Variants in TMEM106B observed in about 807,000 individuals in gnomAD.
The protein encoded by TMEM106B is transmembrane protein 106B.
A neutral mutation model predicts 31.1 loss-of-function variants in TMEM106B; 15 were observed. The observed-to-expected ratio is 0.48, with a 90% CI of 0.32 to 0.74. TMEM106B has a LOEUF of 0.74. Ranked by LOEUF, TMEM106B falls within the 30% of genes least tolerant of loss-of-function variation. The probability of loss-of-function intolerance (pLI) is 0.03; values close to 1 mark genes in which losing one functional copy is unlikely to be tolerated. For synonymous variants in TMEM106B, 126 were observed against 112.5 expected (o/e 1.12, Z -0.76); for missense variants, 283 against 327.3 (o/e 0.86, Z 1.04).
In TMEM106B at chr7:12,224,367, AATTT is replaced by A; in HGVS notation, c.429_432del (p.Tyr143Ter). Reference sequence around the variant, plus strand: ...TCAGTTATGATGTTCAGAAGCGTACAATTTATTTAAATATCACAGTGAGTATAAA... The same window carrying A: ...TCAGTTATGATGTTCAGAAGCGTACAATTTAAATATCACAGTGAGTATAAA... On this transcript the variant is annotated frameshift_variant, in exon 4 of 8. Transcript: ENST00000396668. LOFTEE classifies it high-confidence loss of function. 4 of 1,608,748 alleles carry A rather than the reference AATTT, an allele frequency of 2.5e-6. No individual in the cohort carries two copies. Among genetic ancestry groups the A allele is most frequent in the Non-Finnish European group, 3.4e-6 (4 of 1,175,916 alleles).
At chr7:12,228,617 C>A (rs13230513) in intron 4 of TMEM106B, among the ~76,000 whole-genome samples, 76,503 of 151,574 alleles carry the variant, frequency 0.5, 20,414 homozygotes, top group African/African-American at 0.66. Flanking sequence ...TCTGTGGAAT[C>A]GGTGCTCAGA....
chr7:12,223,755 C>G (rs1366508912), intron 3 of TMEM106B, among the ~76,000 whole-genome samples: 2 of 142,524 alleles, frequency 1.4e-5, no homozygotes, highest in African/African-American at 2.6e-5. Flanking sequence ...GAGTCTCGCT[C>G]TCTCGTCCAG....
At chr7:12,217,698 G>T (rs1781713873) in intron 2 of TMEM106B, among the ~76,000 whole-genome samples, 1 of 152,060 alleles carries the variant, frequency 6.6e-6, no homozygotes, top group African/African-American at 2.4e-5. Context: ...GGTGTGATGG[G>T]GGAGCACAGA....
At position 12,231,879 on chromosome 7, in the gene TMEM106B, AT is replaced by A; in HGVS notation, c.730del (p.Ser244ProfsTer24). 6.2e-7 allele frequency: 1 copy of A among 1,611,084 alleles called. No individual in the cohort carries two copies. On this transcript the variant is annotated frameshift_variant, in exon 8 of 8. Coordinates refer to ENST00000396668, the MANE Select transcript of TMEM106B (RefSeq NM_001134232.2). LOFTEE classifies it high-confidence loss of function. ...CATACTTTGGCCACTCTGAACAGAT[AT>A]CCCAGGAGAGGTATCAGTATGTCGA... ...TTYFGHSEQI[S>X]QERYQYVDCG...
chr7:12,231,776 C>T (rs1203947255), intron 7 of TMEM106B, 61 bp from the exon 8 acceptor site: 8 of 1,375,508 alleles, frequency 5.8e-6, no homozygotes, highest in Non-Finnish European at 8.0e-6. Context: ...AAAGTAGTCT[C>T]ACTATGGAAA....
chr7:12,232,039 A>T lies in TMEM106B; in HGVS notation c.*64A>T, dbSNP rs1037686559. 6 of 1,500,620 alleles carry T rather than the reference A, an allele frequency of 4.0e-6. No homozygotes were observed. Among genetic ancestry groups the T allele is most frequent in the Non-Finnish European group, 5.4e-6 (6 of 1,103,038 alleles). The allele number at this position is 1,500,620 out of a possible 1,614,324, so 93.0% of individuals were successfully genotyped here. ...GATATTTCCTATACTCTCAATGAAG[A>T]GGTATTTCCTAATAGGAGACCTTAA... On this transcript the variant is annotated 3_prime_UTR_variant, in exon 8 of 8. Coordinates refer to ENST00000396668, the MANE Select transcript of TMEM106B (RefSeq NM_001134232.2).
At chr7:12,212,992 G>A (rs973728240) in intron 1 of TMEM106B, among the ~76,000 whole-genome samples, 3 of 152,006 alleles carry the variant, frequency 2.0e-5, no homozygotes, top group African/African-American at 4.8e-5. Flanking sequence ...TTTTTCTCAG[G>A]ATATAAGCAG....
At position 12,214,846 on chromosome 7, in the gene TMEM106B, A is replaced by G. The variant is rs757401612; in HGVS notation, c.36A>G (p.Ser12=). 1.2e-6 allele frequency: 2 copies of G among 1,613,680 alleles called. No individual in the cohort carries two copies. Among genetic ancestry groups the G allele is most frequent in the Admixed American group, 3.3e-5 (2 of 59,996 alleles). The change falls in exon 2 of 8, where the codon TCA becomes TCG. Residue 12 remains serine (S), a synonymous_variant. Transcript: ENST00000396668. The part of the protein sequence containing the change: ...GKSLSHLPLH[S]SKEDAYDGVT... ...CTCTTTCTCATTTGCCTTTGCATTC[A>G]AGCAAAGAAGATGCTTATGATGGAG...
Position 12,232,149 on chromosome 7 carries a change from T to C in TMEM106B, c.*174T>C. The C allele has an allele frequency of 2.0e-6, 1 of 488,698 alleles. No individual in the cohort carries two copies. Among genetic ancestry groups the C allele is most frequent in the Non-Finnish European group, 3.6e-6 (1 of 281,568 alleles). The allele number at this position is 488,698 out of a possible 1,614,324, so 30.3% of individuals were successfully genotyped here. Reference sequence around the variant, plus strand: ...GTTCTTGTAACTCTCCACTCTGTGTTAATGATATATTTGTACTAGGATCTT... The same window carrying C: ...GTTCTTGTAACTCTCCACTCTGTGTCAATGATATATTTGTACTAGGATCTT... On this transcript the variant is annotated 3_prime_UTR_variant, in exon 8 of 8. Transcript: ENST00000396668.
At chr7:12,212,387 TC>T (rs1295989702) in intron 1 of TMEM106B, among the ~76,000 whole-genome samples, 1 of 152,118 alleles carries the variant, frequency 6.6e-6, no homozygotes, top group Non-Finnish European at 1.5e-5. Flanking sequence ...TGTTAAGTCT[TC>T]CCTATCCTAC....
rs145369813 is a variant in TMEM106B at position 12,238,982 on chromosome 7, C to T, written c.*7007C>T. 3.9e-5 allele frequency: 6 copies of T among 152,216 alleles called. No individual in the cohort carries two copies. In the East Asian group the frequency reaches 1.2e-3, roughly 29 times the overall value. The allele number at this position is 152,216 out of a possible 1,614,324, so 9.4% of individuals were successfully genotyped here. Reference sequence around the variant, plus strand: ...AAGAGAGTCAGCCTGTCCTTTAAAGCTTTAAAGGCAAGCATTGACTTCTCT... The same window carrying T: ...AAGAGAGTCAGCCTGTCCTTTAAAGTTTTAAAGGCAAGCATTGACTTCTCT... On this transcript the variant is annotated 3_prime_UTR_variant, in exon 8 of 8. Transcript: ENST00000396668.
Position 12,232,270 on chromosome 7 carries a change from T to G in TMEM106B, c.*295T>G, listed in dbSNP as rs1332722194. On this transcript the variant is annotated 3_prime_UTR_variant, in exon 8 of 8. Coordinates refer to ENST00000396668, the MANE Select transcript of TMEM106B (RefSeq NM_001134232.2). ...CCCCTATAGTACAATAAATAATTAT[T>G]TAAAAGTCATAGCTCCAGTCACTAC... is the stretch of plus-strand genomic sequence containing the variant. 5.3e-6 allele frequency: 1 copy of G among 188,680 alleles called. No individual in the cohort carries two copies. The highest frequency in any genetic ancestry group is 1.1e-5 in the Non-Finnish European group (1 of 92,102). The allele number at this position is 188,680 out of a possible 1,614,324, so 11.7% of individuals were successfully genotyped here. A position where few individuals can be genotyped will look rare whatever the true frequency, so the allele number is the denominator to read the frequency against.
chr7:12,218,226 C>T (rs904805207), intron 2 of TMEM106B, among the ~76,000 whole-genome samples: 2 of 147,404 alleles, frequency 1.4e-5, no homozygotes, highest in Non-Finnish European at 3.0e-5. Flanking sequence ...AAAGTAAGCC[C>T]TCATTTGTTA....
rs965784732 is a variant in TMEM106B, at chr7:12,241,109, T to C, written c.*9134T>C. The C allele has an allele frequency of 3.3e-5, 5 of 152,198 alleles. No homozygotes were observed. The highest frequency in any genetic ancestry group is 2.1e-4 in the South Asian group (1 of 4,836). 9.4% of individuals were successfully genotyped at this position (152,198 alleles called of 1,614,324 possible). On this transcript the variant is annotated 3_prime_UTR_variant, in exon 8 of 8. Coordinates refer to ENST00000396668, the MANE Select transcript of TMEM106B (RefSeq NM_001134232.2). Reference sequence around the variant, plus strand: ...TCAAAGGGAATCCTTAAAAATGATATATTGGAAACCACTGATTTCTTATTT... The same window carrying C: ...TCAAAGGGAATCCTTAAAAATGATACATTGGAAACCACTGATTTCTTATTT...
chr7:12,212,795 C>T (rs1468172575), intron 1 of TMEM106B, among the ~76,000 whole-genome samples: 1 of 152,076 alleles, frequency 6.6e-6, no homozygotes, highest in Non-Finnish European at 1.5e-5. Flanking sequence ...GTAAAATTTT[C>T]TTCATACTCT....
chr7:12,230,466 A>G (rs1781998081), intron 6 of TMEM106B, 28 bp downstream of exon 6: 1 of 1,391,898 alleles, frequency 7.2e-7, no homozygotes, highest in Non-Finnish European at 1.0e-6. Context: ...ATAACTTTTT[A>G]TTGTCAAATA....
At chr7:12,223,752 G>T (rs11974335) in intron 3 of TMEM106B, among the ~76,000 whole-genome samples, 72,715 of 143,364 alleles carry the variant, frequency 0.51, 19,463 homozygotes, top group African/African-American at 0.67. Context: ...ACAGAGTCTC[G>T]CTCTCTCGTC....
At chr7:12,224,869 TG>T (rs1311477318) in intron 4 of TMEM106B, among the ~76,000 whole-genome samples, 3 of 151,760 alleles carry the variant, frequency 2.0e-5, no homozygotes, top group African/African-American at 7.2e-5. Flanking sequence ...GAAAATGCCG[TG>T]TTTTTTTTTT....
rs1295922196 is a variant in TMEM106B, at chr7:12,236,598, T to G, written c.*4623T>G. 1 of 151,892 alleles carries G rather than the reference T, an allele frequency of 6.6e-6. No individual in the cohort carries two copies. Among genetic ancestry groups the G allele is most frequent in the Non-Finnish European group, 1.5e-5 (1 of 67,840 alleles). 9.4% of individuals were successfully genotyped at this position (151,892 alleles called of 1,614,324 possible). Reference sequence around the variant, plus strand: ...TAGTATTGAGCCAGTGGCCAAAAGGTAATATTACTACCATGTAGACTGTTA... The same window carrying G: ...TAGTATTGAGCCAGTGGCCAAAAGGGAATATTACTACCATGTAGACTGTTA... On this transcript the variant is annotated 3_prime_UTR_variant, in exon 8 of 8. Transcript: ENST00000396668.
Sources: allele counts gnomAD v4.1 joint callset (sites outside exome capture counted in the v4.1 genomes callset), GRCh38; gene constraint gnomAD v4.1.1; transcripts MANE v1.5; gene names NCBI Gene and HGNC (gene_info 2026-07-23, HGNC 2026-07-21).